The following TRPC6 variants were observed in gnomAD, a reference collection of about 807,000 sequenced individuals.
The protein encoded by TRPC6 is transient receptor potential cation channel subfamily C member 6, also known as short transient receptor potential channel 6.
A neutral mutation model predicts 90.7 loss-of-function variants in TRPC6; 55 were observed. The observed-to-expected ratio is 0.61, with a 90% CI of 0.49 to 0.76. The LOEUF is 0.76. TRPC6 is among the 30% of genes least tolerant of loss of function. TRPC6 has a pLI of 0.00. For synonymous variants in TRPC6, 393 were observed against 393.0 expected (o/e 1.00, Z 0.00); for missense variants, 989 against 1,122.7 (o/e 0.88, Z 1.70).
intron 1 of TRPC6, among the ~76,000 whole-genome samples, chr11:101,529,749 A>G (rs549470515): frequency 6.6e-6 from 1 of 152,358 alleles, no homozygotes; most frequent in African/African-American, 2.4e-5. Context: ...ATACCCACAC[A>G]GCAAGAAGCA....
chr11:101,492,502 A>AC (rs1337393340), intron 2 of TRPC6, among the ~76,000 whole-genome samples: 2 of 151,942 alleles, frequency 1.3e-5, no homozygotes, highest in Admixed American at 6.6e-5. Flanking sequence ...TGGGAGGATC[A>AC]CCCGGGCAGG....
intron 1 of TRPC6, among the ~76,000 whole-genome samples, chr11:101,568,452 C>T (rs1322482217): frequency 6.6e-6 from 1 of 152,134 alleles, no homozygotes; most frequent in Admixed American, 6.5e-5. Context: ...GAATATTATC[C>T]AGGAGAACTT....
intron 1 of TRPC6, among the ~76,000 whole-genome samples, chr11:101,548,576 G>C (rs1478159144): frequency 6.9e-6 from 1 of 144,970 alleles, no homozygotes; most frequent in Non-Finnish European, 1.5e-5. Flanking sequence ...ACCAAAGTAA[G>C]AATCCAATTC....
chr11:101,566,429 A>C (rs1364078688), intron 1 of TRPC6, among the ~76,000 whole-genome samples: 1 of 152,220 alleles, frequency 6.6e-6, no homozygotes, highest in Admixed American at 6.5e-5. Context: ...TATTAAAATA[A>C]AAACAAAAAA....
chr11:101,571,909 T>C (rs1861972761), intron 1 of TRPC6, among the ~76,000 whole-genome samples: 1 of 152,030 alleles, frequency 6.6e-6, no homozygotes, highest in Non-Finnish European at 1.5e-5. Context: ...CCTAAAACCA[T>C]AAAAACCCTA....
intron 10 of TRPC6, among the ~76,000 whole-genome samples, chr11:101,466,150 G>T (rs533652347): frequency 6.6e-6 from 1 of 152,104 alleles, no homozygotes; most frequent in Non-Finnish European, 1.5e-5. Flanking sequence ...TTGAATCTTC[G>T]TCCCAAAGGG....
chr11:101,496,409 A>G (rs528475226), intron 2 of TRPC6, among the ~76,000 whole-genome samples: 6 of 152,204 alleles, frequency 3.9e-5, no homozygotes, highest in East Asian at 1.9e-4. Flanking sequence ...ATGGAGCTCT[A>G]TGGTGATGAT....
chr11:101,575,426 C>T (rs1022526807), intron 1 of TRPC6, among the ~76,000 whole-genome samples: 2 of 152,136 alleles, frequency 1.3e-5, no homozygotes, highest in African/African-American at 4.8e-5. Context: ...CCCATTTGTG[C>T]CAACTGCTAG....
chr11:101,517,140 A>C (rs1860541055), intron 1 of TRPC6, among the ~76,000 whole-genome samples: 1 of 152,242 alleles, frequency 6.6e-6, no homozygotes, highest in South Asian at 2.1e-4. Flanking sequence ...AGATGTGATC[A>C]ATGTGCCTCT....
At chr11:101,541,409 C>T (rs917751645) in intron 1 of TRPC6, among the ~76,000 whole-genome samples, 5 of 152,054 alleles carry the variant, frequency 3.3e-5, no homozygotes, top group Non-Finnish European at 7.4e-5. Context: ...TCGCCCAGGC[C>T]GGAGTGCAGT....
chr11:101,488,561 A>T (rs1859730362), intron 4 of TRPC6, among the ~76,000 whole-genome samples: 2 of 152,224 alleles, frequency 1.3e-5, no homozygotes, highest in South Asian at 4.1e-4. Flanking sequence ...ATGTCATTTG[A>T]AATATATGCT....
rs1565207239 is a variant in TRPC6 at position 101,472,284 on chromosome 11, A to G, written c.2058T>C (p.Ser686=). The part of the protein sequence containing the change: ...KTLFWAIFGL[S]EVKSVVINYN... Reference sequence around the variant, plus strand: ...AGTTGATGACCACTGATTTCACTTCAGAAAGTCCAAATATAGCCCAGAACA... The same window carrying G: ...AGTTGATGACCACTGATTTCACTTCGGAAAGTCCAAATATAGCCCAGAACA... The change falls in exon 8 of 13, where the codon TCT becomes TCC. Residue 686 remains serine (S), a synonymous_variant. Transcript: ENST00000344327. 1 of 1,613,310 alleles carries G rather than the reference A, an allele frequency of 6.2e-7. No homozygotes were observed. Among genetic ancestry groups the G allele is most frequent in the Non-Finnish European group, 8.5e-7 (1 of 1,179,544 alleles).
In TRPC6 at chr11:101,462,585, G is replaced by A. The variant is rs372109271; in HGVS notation, c.2484+6842C>T. On this transcript the variant is annotated intron_variant, in intron 10 of 12. Transcript: ENST00000344327. ...CTCTTTGTAGCAATTGTGAATGGGA[G>A]TTCACTCATGATTTGGCTCTCTGTC... Among the ~76,000 whole-genome samples the A allele has an allele frequency of 1.2e-4, 19 of 152,284 alleles. No individual in the cohort carries two copies. In the East Asian group the frequency reaches 2.9e-3, roughly 23 times the overall value.
In TRPC6 at chr11:101,482,991, A is replaced by G. The variant is rs1859587846; in HGVS notation, c.1468T>C (p.Cys490Arg). Residue 490 changes from cysteine to arginine, a missense_variant, in exon 5 of 13, where the codon TGC becomes CGC. Cys to Arg is a radical substitution (Grantham distance 180). Coordinates refer to ENST00000344327, the MANE Select transcript of TRPC6 (RefSeq NM_004621.6). Reference protein sequence around the residue: ...AKQLFRMKTSCFSWMEMLIIS... With the variant: ...AKQLFRMKTSRFSWMEMLIIS... ...ATGAGCATCTCCATCCATGAGAAGCAGGATGTTTTCATCCTGAACAGCTGT... is the reference window on the plus strand; with the variant it reads ...ATGAGCATCTCCATCCATGAGAAGCGGGATGTTTTCATCCTGAACAGCTGT... 1 of 1,613,978 alleles carries G rather than the reference A, an allele frequency of 6.2e-7. No homozygotes were observed. Among genetic ancestry groups the G allele is most frequent in the African/African-American group, 1.3e-5 (1 of 74,944 alleles).
At chr11:101,465,383 T>C (rs1859118775) in intron 10 of TRPC6, among the ~76,000 whole-genome samples, 1 of 152,224 alleles carries the variant, frequency 6.6e-6, no homozygotes, top group African/African-American at 2.4e-5. Flanking sequence ...GAAGAGTGTC[T>C]TCCTATTTGG....
chr11:101,548,628 G>A (rs1380331603), intron 1 of TRPC6, among the ~76,000 whole-genome samples: 10 of 150,778 alleles, frequency 6.6e-5, no homozygotes, highest in East Asian at 3.9e-4. Context: ...AGCAAAGCTC[G>A]TACCATTCTC....
At chr11:101,494,749 A>G (rs1450706667) in intron 2 of TRPC6, among the ~76,000 whole-genome samples, 2 of 152,228 alleles carry the variant, frequency 1.3e-5, no homozygotes, top group African/African-American at 4.8e-5. Context: ...GCTTTGTGGT[A>G]TTTAATAACC....
At chr11:101,520,654 C>A (rs1471580666) in intron 1 of TRPC6, among the ~76,000 whole-genome samples, 1 of 152,144 alleles carries the variant, frequency 6.6e-6, no homozygotes. Flanking sequence ...CTCCTAGAGA[C>A]TTGTTAAATT....
At position 101,504,251 on chromosome 11, in the gene TRPC6, G is replaced by A. The variant is rs201054988; in HGVS notation, c.718C>T (p.Arg240Trp). The A allele has an allele frequency of 2.5e-5, 41 of 1,613,902 alleles. No homozygotes were observed. The highest frequency in any genetic ancestry group is 3.3e-4 in the Middle Eastern group (2 of 6,076). The change falls in exon 2 of 13, where the codon CGG becomes TGG. Residue 240 changes from arginine to tryptophan, a missense_variant. By Grantham distance (101) the Arg-to-Trp change is moderately radical (BLOSUM62 -3). This residue lies in a region of TRPC6 where 486 missense variants were observed against 591.9 expected (regional missense o/e 0.82). Coordinates refer to ENST00000344327, the MANE Select transcript of TRPC6 (RefSeq NM_004621.6). Reference protein sequence around the residue: ...QEYEIVHTLLRKGARIERPHD... With the variant: ...QEYEIVHTLLWKGARIERPHD... The stretch of plus-strand genomic sequence containing the variant: ...GGCCGTTCAATCCTAGCACCCTTCC[G>A]CAGGAGGGTATGCACAATTTCATAT...
Sources: allele counts gnomAD v4.1 joint callset (sites outside exome capture counted in the v4.1 genomes callset), GRCh38; gene constraint gnomAD v4.1.1; regional missense constraint gnomAD v4.1.1; transcripts MANE v1.5; gene names NCBI Gene and HGNC (gene_info 2026-07-23, HGNC 2026-07-21).